TRPC6: variants seen among roughly 807,000 people sequenced by gnomAD.
TRPC6 encodes the protein transient receptor potential cation channel subfamily C member 6.
TRPC6 carries 55 observed loss-of-function variants against 90.7 expected under a neutral mutation model. That is an observed-to-expected ratio of 0.61 (90% CI 0.49 to 0.76). The LOEUF is 0.76. Ranked by LOEUF, TRPC6 falls within the 30% of genes least tolerant of loss-of-function variation. The pLI is 0.00. For missense variants in TRPC6, 989 were observed against 1,122.7 expected (o/e 0.88, Z 1.70); for synonymous variants, 393 against 393.0 (o/e 1.00, Z 0.00).
intron 10 of TRPC6, among the ~76,000 whole-genome samples, chr11:101,461,391 C>A (rs1002472452): frequency 1.3e-5 from 2 of 151,992 alleles, no homozygotes; most frequent in South Asian, 2.1e-4. Flanking sequence ...GGCAACATGG[C>A]GAAACCCCAT....
At chr11:101,528,700 T>C (rs921505325) in intron 1 of TRPC6, among the ~76,000 whole-genome samples, 1 of 152,120 alleles carries the variant, frequency 6.6e-6, no homozygotes, top group African/African-American at 2.4e-5. Flanking sequence ...TCTTAGCCTG[T>C]GCATATCTGA....
At chr11:101,454,897 T>C in intron 11 of TRPC6, 121 bp downstream of exon 11, 1 of 700,604 alleles carries the variant, frequency 1.4e-6, no homozygotes, top group South Asian at 1.9e-5. Flanking sequence ...AATAAATATT[T>C]ATTGAATTAA....
chr11:101,473,797 G>A (rs192181191), intron 6 of TRPC6, 24 bp from the exon 7 acceptor site: 1 of 1,613,088 alleles, frequency 6.2e-7, no homozygotes, highest in East Asian at 2.2e-5. Flanking sequence ...AAGACAAAGA[G>A]TTGTGTGAGT....
At chr11:101,533,206 A>T (rs1860952326) in intron 1 of TRPC6, among the ~76,000 whole-genome samples, 1 of 152,182 alleles carries the variant, frequency 6.6e-6, no homozygotes, top group Admixed American at 6.5e-5. Context: ...TGGGTAATTT[A>T]TAAAGAAAAG....
At chr11:101,497,579 A>T (rs577858515) in intron 2 of TRPC6, among the ~76,000 whole-genome samples, 1 of 152,286 alleles carries the variant, frequency 6.6e-6, no homozygotes, top group South Asian at 2.1e-4. Context: ...CCATGTGCAC[A>T]TGCATGAGCA....
At position 101,494,278 on chromosome 11, in the gene TRPC6, AAT is replaced by A. The variant is rs1859892966; in HGVS notation, c.946-2542_946-2541del. ...TCTACTTACGAGCCATGTGACCTTT[AAT>A]ATGTTAGAACCAGTCTATGAAGTAG... is the stretch of plus-strand genomic sequence containing the variant. On this transcript the variant is annotated intron_variant, in intron 2 of 12. Transcript: ENST00000344327. 2.0e-5 allele frequency among the ~76,000 whole-genome samples: 3 copies of A among 152,136 alleles called. No homozygotes were observed. In the South Asian group the frequency reaches 6.2e-4, roughly 31 times the overall value.
intron 10 of TRPC6, among the ~76,000 whole-genome samples, chr11:101,466,106 C>T (rs1333728584): frequency 6.6e-6 from 1 of 152,200 alleles, no homozygotes; most frequent in African/African-American, 2.4e-5. Flanking sequence ...GCAGAGGCTG[C>T]AGAACAGCAA....
At position 101,504,692 on chromosome 11, in the gene TRPC6, T is replaced by A; in HGVS notation, c.277A>T (p.Thr93Ser). The change falls in exon 2 of 13, where the codon ACA (threonine) becomes TCA (serine). Residue 93 changes from threonine (T) to serine (S), a missense_variant. By Grantham distance (58) the Thr-to-Ser change is moderately conservative. This residue lies in a region of TRPC6 where 194 missense variants were observed against 136.5 expected (regional missense o/e 1.42). Coordinates refer to ENST00000344327, the MANE Select transcript of TRPC6 (RefSeq NM_004621.6). ...GPAYMFSDRS[T>S]SLSIEEERFL... ...CGTTCCTCCTCTATAGATAGGCTTG[T>A]GGAGCGATCACTAAACATGTATGCT... 1 of 1,597,190 alleles carries A rather than the reference T, an allele frequency of 6.3e-7. No individual in the cohort carries two copies. Among genetic ancestry groups the A allele is most frequent in the South Asian group, 1.1e-5 (1 of 88,326 alleles).
At chr11:101,472,984 G>T (rs1179767439) in intron 7 of TRPC6, among the ~76,000 whole-genome samples, 1 of 151,424 alleles carries the variant, frequency 6.6e-6, no homozygotes, top group African/African-American at 2.4e-5. Flanking sequence ...AAAAAAACAC[G>T]TGTCCATGGT....
intron 4 of TRPC6, among the ~76,000 whole-genome samples, chr11:101,483,894 TTATA>T (rs1342786691): frequency 6.6e-6 from 1 of 152,144 alleles, no homozygotes; most frequent in Non-Finnish European, 1.5e-5. Flanking sequence ...AGTGTGCCTT[TTATA>T]GTACACGATT....
chr11:101,460,319 C>CTATT (rs1461395954), intron 10 of TRPC6, among the ~76,000 whole-genome samples: 1 of 152,148 alleles, frequency 6.6e-6, no homozygotes, highest in African/African-American at 2.4e-5. Context: ...AAATGGTGTA[C>CTATT]TATTTCCATA....
At chr11:101,485,273 T>G (rs1480046731) in intron 4 of TRPC6, among the ~76,000 whole-genome samples, 1 of 128,070 alleles carries the variant, frequency 7.8e-6, no homozygotes, top group East Asian at 1.9e-4. Context: ...TCAAGGAGTA[T>G]TTTTGTTTTT....
intron 4 of TRPC6, among the ~76,000 whole-genome samples, chr11:101,487,252 G>T (rs867478957): frequency 6.6e-6 from 1 of 152,154 alleles, no homozygotes; most frequent in East Asian, 1.9e-4. Context: ...AGAATAGGGA[G>T]AATTCAAAAA....
At chr11:101,515,892 G>A (rs1295844412) in intron 1 of TRPC6, among the ~76,000 whole-genome samples, 1 of 152,032 alleles carries the variant, frequency 6.6e-6, no homozygotes, top group Non-Finnish European at 1.5e-5. Context: ...ACTAAGGCTA[G>A]GAGGATGGAA....
At chr11:101,517,306 A>T (rs149576962) in intron 1 of TRPC6, among the ~76,000 whole-genome samples, 35 of 152,368 alleles carry the variant, frequency 2.3e-4, no homozygotes, top group African/African-American at 7.9e-4. Context: ...GTATAACATG[A>T]AAGAAAAGTT....
intron 1 of TRPC6, among the ~76,000 whole-genome samples, chr11:101,574,200 C>T (rs1862026348): frequency 6.6e-6 from 1 of 150,998 alleles, no homozygotes; most frequent in South Asian, 2.1e-4. Flanking sequence ...AATATGGGCA[C>T]TGAAGCTTCT....
chr11:101,454,879 T>C, intron 11 of TRPC6, 139 bp downstream of exon 11: 1 of 631,244 alleles, frequency 1.6e-6, no homozygotes, highest in South Asian at 2.1e-5. Context: ...GCCTGGTACA[T>C]GGTAATTAAT....
intron 2 of TRPC6, among the ~76,000 whole-genome samples, chr11:101,494,163 T>C (rs961780211): frequency 8.5e-5 from 13 of 152,156 alleles, no homozygotes; most frequent in African/African-American, 3.1e-4. Context: ...GATTTGGAGG[T>C]ACATATTTGT....
At chr11:101,577,057 T>C (rs768583302) in intron 1 of TRPC6, among the ~76,000 whole-genome samples, 3 of 152,068 alleles carry the variant, frequency 2.0e-5, no homozygotes, top group Non-Finnish European at 2.9e-5. Context: ...TCCAAGTGGT[T>C]GGGGGAGACG....
Sources: allele counts gnomAD v4.1 joint callset (sites outside exome capture counted in the v4.1 genomes callset), GRCh38; gene constraint gnomAD v4.1.1; regional missense constraint gnomAD v4.1.1; transcripts MANE v1.5; gene names NCBI Gene and HGNC (gene_info 2026-07-23, HGNC 2026-07-21).